Variants in KLHL29 observed in about 807,000 individuals in gnomAD.
KLHL29 encodes the protein kelch-like protein 29.
In KLHL29, 21 loss-of-function variants were observed where a neutral mutation model predicts 80.4. The observed-to-expected ratio is 0.26, with a 90% confidence interval of 0.19 to 0.38. The LOEUF is 0.38. Among genes scored for constraint, KLHL29 ranks in the 10% least tolerant of loss-of-function variants. The pLI is 1.00. For missense variants in KLHL29, 867 were observed against 1,223.9 expected, an observed-to-expected ratio of 0.71 and a Z score of 4.35; for synonymous variants, 511 against 526.8, an observed-to-expected ratio of 0.97 and a Z score of 0.41.
At chr2:23,433,449 C>T (rs914198087) in intron 1 of KLHL29, among the ~76,000 whole-genome samples, 4 of 152,164 alleles carry the variant, frequency 2.6e-5, no homozygotes, top group African/African-American at 9.7e-5. Flanking sequence ...CCGCGGAGGC[C>T]ACTGGCTCAT....
At chr2:23,642,897 T>A (rs1266619402) in intron 5 of KLHL29, 47 bp downstream of exon 5, 18 of 1,547,004 alleles carry the variant, frequency 1.2e-5, no homozygotes, top group Non-Finnish European at 1.6e-5. Context: ...CGTCTGCACC[T>A]CCCTGCGCGG....
At chr2:23,436,904 A>G (rs1242671930) in intron 1 of KLHL29, among the ~76,000 whole-genome samples, 1 of 152,240 alleles carries the variant, frequency 6.6e-6, no homozygotes, top group Non-Finnish European at 1.5e-5. Context: ...GGAGCATTGC[A>G]GACCAGAAGG....
At chr2:23,561,228 C>T (rs546884186) in intron 2 of KLHL29, among the ~76,000 whole-genome samples, 4 of 152,290 alleles carry the variant, frequency 2.6e-5, no homozygotes, top group African/African-American at 4.8e-5. Context: ...GTCTTTACAG[C>T]GTTCTTGACC....
chr2:23,440,050 C>T (rs1376157599), intron 1 of KLHL29, among the ~76,000 whole-genome samples: 1 of 151,606 alleles, frequency 6.6e-6, no homozygotes, highest in Non-Finnish European at 1.5e-5. Context: ...GAATTGATCC[C>T]TTTACCATTA....
chr2:23,504,892 G>T (rs1376730069), intron 2 of KLHL29, among the ~76,000 whole-genome samples: 1 of 152,334 alleles, frequency 6.6e-6, no homozygotes. Flanking sequence ...ACCAAGCTCA[G>T]CTGATGGCCC....
intron 1 of KLHL29, among the ~76,000 whole-genome samples, chr2:23,432,596 G>A (rs1209203997): frequency 3.3e-5 from 5 of 152,244 alleles, no homozygotes; most frequent in African/African-American, 9.6e-5. Flanking sequence ...GATAAGTGCT[G>A]TAAAAAATCA....
At position 23,604,875 on chromosome 2, in the gene KLHL29, T is replaced by C. The variant is rs1266954556; in HGVS notation, c.286-34264T>C. 2.6e-5 allele frequency among the ~76,000 whole-genome samples: 4 copies of C among 152,084 alleles called. No homozygotes were observed. The East Asian group carries it at 5.8e-4, about 22-fold the overall frequency. On this transcript the variant is annotated intron_variant, in intron 3 of 13. Transcript: ENST00000486442. ...ACCCATGCTTCCTGCCCCCCAGCTGTGGGCTGCAGCCAAGGCCAGGGAAGC... is the reference window on the plus strand; with the variant it reads ...ACCCATGCTTCCTGCCCCCCAGCTGCGGGCTGCAGCCAAGGCCAGGGAAGC...
intron 3 of KLHL29, among the ~76,000 whole-genome samples, chr2:23,620,271 G>A (rs969867482): frequency 4.6e-5 from 7 of 152,214 alleles, no homozygotes; most frequent in Non-Finnish European, 8.8e-5. Context: ...GTTGGCACTC[G>A]ATCCCTTCGA....
At chr2:23,519,938 A>G (rs1393305363) in intron 2 of KLHL29, among the ~76,000 whole-genome samples, 1 of 152,230 alleles carries the variant, frequency 6.6e-6, no homozygotes. Context: ...AGGAACTTTT[A>G]TTAATGAACT....
chr2:23,627,941 C>G (rs1669361753), intron 3 of KLHL29, among the ~76,000 whole-genome samples: 1 of 129,628 alleles, frequency 7.7e-6, no homozygotes, highest in African/African-American at 3.0e-5. Context: ...GAGTCTCGCT[C>G]TTGTCACCCA....
At chr2:23,437,587 T>C (rs972215734) in intron 1 of KLHL29, among the ~76,000 whole-genome samples, 11 of 152,070 alleles carry the variant, frequency 7.2e-5, no homozygotes, top group Non-Finnish European at 1.3e-4. Context: ...CAGCATTCAC[T>C]TGGCGTACAG....
chr2:23,599,203 T>C (rs1168102360), intron 3 of KLHL29, among the ~76,000 whole-genome samples: 1 of 152,226 alleles, frequency 6.6e-6, no homozygotes. Flanking sequence ...AGCTCCAAGA[T>C]ACGGGTTCAA....
intron 5 of KLHL29, among the ~76,000 whole-genome samples, chr2:23,670,777 C>T (rs776989482): frequency 1.3e-5 from 2 of 151,968 alleles, no homozygotes; most frequent in Non-Finnish European, 2.9e-5. Flanking sequence ...TTGCCCTAAA[C>T]TGACCCGGGC....
intron 3 of KLHL29, among the ~76,000 whole-genome samples, chr2:23,629,019 C>T (rs963326614): frequency 7.2e-5 from 11 of 152,232 alleles, no homozygotes; most frequent in Admixed American, 4.6e-4. Flanking sequence ...AGAGGGTCAC[C>T]GTGCTCAGGA....
chr2:23,605,581 C>T (rs922227843), intron 3 of KLHL29, among the ~76,000 whole-genome samples: 6 of 152,058 alleles, frequency 3.9e-5, no homozygotes, highest in African/African-American at 7.2e-5. Flanking sequence ...GCTACAAAGT[C>T]GATTTGGTAT....
intron 2 of KLHL29, among the ~76,000 whole-genome samples, chr2:23,529,064 C>A (rs1288239055): frequency 6.6e-6 from 1 of 152,254 alleles, no homozygotes; most frequent in African/African-American, 2.4e-5. Context: ...CACCCTCTAA[C>A]CATACGTAGG....
intron 13 of KLHL29, among the ~76,000 whole-genome samples, chr2:23,706,224 T>C (rs761082858): frequency 6.6e-6 from 1 of 152,212 alleles, no homozygotes; most frequent in Non-Finnish European, 1.5e-5. Context: ...TAGCCATGGT[T>C]AGTCACTCTG....
intron 3 of KLHL29, among the ~76,000 whole-genome samples, chr2:23,628,339 G>A (rs972382737): frequency 6.7e-6 from 1 of 149,968 alleles, no homozygotes; most frequent in Non-Finnish European, 1.5e-5. Context: ...GGACGGCTTA[G>A]TTAATCCTAG....
At chr2:23,447,473 C>T (rs1663732820) in intron 1 of KLHL29, among the ~76,000 whole-genome samples, 1 of 152,224 alleles carries the variant, frequency 6.6e-6, no homozygotes, top group African/African-American at 2.4e-5. Flanking sequence ...CTGCACCTTT[C>T]TCCTTGCCTG....
Sources: allele counts gnomAD v4.1 joint callset (sites outside exome capture counted in the v4.1 genomes callset), GRCh38; gene constraint gnomAD v4.1.1; transcripts MANE v1.5; gene names NCBI Gene and HGNC (gene_info 2026-07-23, HGNC 2026-07-21).